CCSER1: variants seen among roughly 807,000 people sequenced by gnomAD.
CCSER1 encodes the protein serine-rich coiled-coil domain-containing protein 1.
Under a neutral mutation model 82.0 loss-of-function variants are expected in CCSER1, and 41 were observed. The observed-to-expected ratio is 0.50, with a 90% CI of 0.39 to 0.65. CCSER1 has a LOEUF of 0.65. CCSER1 is among the 30% of genes least tolerant of loss of function. The pLI, the probability that CCSER1 is intolerant of heterozygous loss-of-function variation, is 0.00. For missense variants in CCSER1, 1,119 were observed against 1,064.2 expected, an observed-to-expected ratio of 1.05 and a Z score of -0.72; for synonymous variants, 414 against 383.9, an observed-to-expected ratio of 1.08 and a Z score of -0.92.
chr4:91,332,883 T>C (rs1747054029), intron 10 of CCSER1, among the ~76,000 whole-genome samples: 2 of 152,056 alleles, frequency 1.3e-5, no homozygotes, highest in Non-Finnish European at 2.9e-5. Context: ...CAGGGAGACA[T>C]TCTGCCCCAT....
chr4:90,536,054 A>G (rs1775313609), intron 5 of CCSER1, among the ~76,000 whole-genome samples: 2 of 117,308 alleles, frequency 1.7e-5, no homozygotes, highest in South Asian at 2.7e-4. Context: ...TTTTTTTGAG[A>G]CGGAGTCTTG....
chr4:91,201,694 C>T (rs1735911751), intron 10 of CCSER1, among the ~76,000 whole-genome samples: 1 of 151,952 alleles, frequency 6.6e-6, no homozygotes, highest in South Asian at 2.1e-4. Context: ...GTCTGAATTT[C>T]TGATATTCTT....
chr4:91,317,053 C>T (rs1022076061), intron 10 of CCSER1, among the ~76,000 whole-genome samples: 1 of 151,606 alleles, frequency 6.6e-6, no homozygotes, highest in African/African-American at 2.4e-5. Context: ...TTAAATGTTC[C>T]CAACACAGAG....
chr4:90,828,416 C>G (rs1478863081), intron 8 of CCSER1, among the ~76,000 whole-genome samples: 1 of 152,022 alleles, frequency 6.6e-6, no homozygotes, highest in Non-Finnish European at 1.5e-5. Context: ...AGAGAATGGT[C>G]AAAAGTGAGG....
intron 9 of CCSER1, among the ~76,000 whole-genome samples, chr4:90,957,810 A>G (rs1485826659): frequency 6.6e-6 from 1 of 150,768 alleles, no homozygotes; most frequent in African/African-American, 2.4e-5. Flanking sequence ...ATGTCTTGTT[A>G]AATATTTAGG....
At chr4:91,411,511 T>TCTGGAAGTAATTAATCACTAAATTTCTGC (rs1753039722) in intron 10 of CCSER1, among the ~76,000 whole-genome samples, 1 of 69,956 alleles carries the variant, frequency 1.4e-5, no homozygotes, top group Non-Finnish European at 3.4e-5. Flanking sequence ...TATATATATA[T>TCTGGAAGTAATTAATCACTAAATTTCTGC]ATATATATAT....
intron 9 of CCSER1, among the ~76,000 whole-genome samples, chr4:91,052,113 G>GA (rs928722617): frequency 3.2e-4 from 48 of 151,878 alleles, no homozygotes; most frequent in Admixed American, 1.4e-3. Flanking sequence ...TTTTTTGTGG[G>GA]AAAAAATGCC....
chr4:91,322,292 T>G (rs570168345), intron 10 of CCSER1, among the ~76,000 whole-genome samples: 1 of 152,242 alleles, frequency 6.6e-6, no homozygotes, highest in Non-Finnish European at 1.5e-5. Context: ...TCAATTTAAT[T>G]TTTTCTTGTA....
chr4:91,402,157 G>A (rs1752381921), intron 10 of CCSER1, among the ~76,000 whole-genome samples: 1 of 152,160 alleles, frequency 6.6e-6, no homozygotes, highest in Non-Finnish European at 1.5e-5. Context: ...GTGATGATGA[G>A]CATTTTTTCA....
intron 10 of CCSER1, among the ~76,000 whole-genome samples, chr4:91,203,418 A>C (rs988927580): frequency 5.9e-5 from 9 of 151,990 alleles, no homozygotes; most frequent in African/African-American, 2.2e-4. Flanking sequence ...TGATTGCCTA[A>C]TACTACTCTT....
chr4:91,353,405 A>G (rs1365758035), intron 10 of CCSER1, among the ~76,000 whole-genome samples: 1 of 152,204 alleles, frequency 6.6e-6, no homozygotes, highest in Non-Finnish European at 1.5e-5. Context: ...TCTGTAATCT[A>G]TGAATAACGT....
intron 8 of CCSER1, among the ~76,000 whole-genome samples, chr4:90,872,643 G>A (rs1213323502): frequency 2.0e-5 from 3 of 151,820 alleles, no homozygotes; most frequent in African/African-American, 7.2e-5. Flanking sequence ...GCTATCAGTA[G>A]TATACATCCC....
intron 7 of CCSER1, among the ~76,000 whole-genome samples, chr4:90,786,882 C>G (rs1406393699): frequency 6.6e-6 from 1 of 152,242 alleles, no homozygotes; most frequent in African/African-American, 2.4e-5. Flanking sequence ...GTCTGGCCCT[C>G]TGAACATCTG....
intron 6 of CCSER1, among the ~76,000 whole-genome samples, chr4:90,630,640 T>C (rs1482511266): frequency 1.3e-5 from 2 of 152,004 alleles, no homozygotes; most frequent in Non-Finnish European, 2.9e-5. Context: ...ATGATTAGCA[T>C]AGACAACAGT....
intron 4 of CCSER1, among the ~76,000 whole-genome samples, chr4:90,441,824 A>T (rs1759928027): frequency 1.3e-5 from 2 of 152,250 alleles, no homozygotes; most frequent in African/African-American, 4.8e-5. Context: ...TGGATGAATG[A>T]TTATAGATGT....
chr4:91,065,809 C>T (rs558343651), intron 9 of CCSER1, among the ~76,000 whole-genome samples: 1 of 152,116 alleles, frequency 6.6e-6, no homozygotes, highest in Admixed American at 6.5e-5. Flanking sequence ...CCGAATCATA[C>T]TGAAAAATTT....
chr4:91,251,116 G>A (rs74600395), intron 10 of CCSER1, among the ~76,000 whole-genome samples: 2,659 of 152,180 alleles, frequency 0.017, 50 homozygotes, highest in Non-Finnish European at 0.024. Flanking sequence ...GGTCACTGTC[G>A]TTGCTCAGGC....
At chr4:90,480,828 T>C (rs1460777192) in intron 5 of CCSER1, among the ~76,000 whole-genome samples, 2 of 152,164 alleles carry the variant, frequency 1.3e-5, no homozygotes, top group Non-Finnish European at 2.9e-5. Flanking sequence ...TCCAGCTTTG[T>C]TCTTTTGGCT....
At chr4:90,244,710 C>A (rs1375337290) in intron 1 of CCSER1, among the ~76,000 whole-genome samples, 1 of 152,150 alleles carries the variant, frequency 6.6e-6, no homozygotes, top group Admixed American at 6.6e-5. Flanking sequence ...ATTATGAGAA[C>A]AGCATGGGGA....
Sources: gnomAD v4.1 joint callset for allele counts (sites outside exome capture counted in the v4.1 genomes callset) on GRCh38, gnomAD v4.1.1 for gene constraint, MANE v1.5 for transcripts, NCBI Gene and HGNC (gene_info 2026-07-23, HGNC 2026-07-21) for gene names.